TRNAU1AP: variants seen among roughly 807,000 people sequenced by gnomAD.
TRNAU1AP encodes tRNA selenocysteine 1 associated protein 1.
A neutral mutation model predicts 43.3 loss-of-function variants in TRNAU1AP; 33 were observed. The observed-to-expected ratio is 0.76, with a 90% CI of 0.58 to 1.02. TRNAU1AP has a LOEUF of 1.02. Among genes scored for constraint, TRNAU1AP ranks in the 50% least tolerant of loss-of-function variants. The pLI is 0.00. For missense variants in TRNAU1AP, 290 were observed against 362.7 expected, an observed-to-expected ratio of 0.80 and a Z score of 1.63; for synonymous variants, 143 against 129.1, an observed-to-expected ratio of 1.11 and a Z score of -0.73.
intron 2 of TRNAU1AP, among the ~76,000 whole-genome samples, chr1:28,555,994 C>T (rs977052520): frequency 6.6e-6 from 1 of 152,024 alleles, no homozygotes; most frequent in African/African-American, 2.4e-5. Flanking sequence ...GCTGGGACTA[C>T]AGGCGCCCGC....
At chr1:28,563,473 G>A (rs1239044175) in intron 4 of TRNAU1AP, among the ~76,000 whole-genome samples, 2 of 151,540 alleles carry the variant, frequency 1.3e-5, no homozygotes, top group East Asian at 2.0e-4. Context: ...ACCTGCGGTC[G>A]GGAGTTCGAG....
rs576684976 is a variant in TRNAU1AP, at chr1:28,558,275, G to A, written c.126-2358G>A. 4.0e-5 allele frequency among the ~76,000 whole-genome samples: 6 copies of A among 148,482 alleles called. No homozygotes were observed. In the South Asian group the frequency reaches 1.3e-3, roughly 32 times the overall value. On this transcript the variant is annotated intron_variant, in intron 2 of 8. Coordinates refer to ENST00000373830, the MANE Select transcript of TRNAU1AP (RefSeq NM_017846.5). ...TGTGTTGCCAGGCTGGAGTGCAGTG[G>A]CGTGATGTTGGCTCACTGCAACCTC... is the stretch of plus-strand genomic sequence containing the variant.
chr1:28,556,332 G>A (rs1045874985), intron 2 of TRNAU1AP, among the ~76,000 whole-genome samples: 2 of 151,498 alleles, frequency 1.3e-5, no homozygotes, highest in South Asian at 4.2e-4. Flanking sequence ...GGTGTGGTGA[G>A]ACACACCTGT....
chr1:28,577,517 G>A lies in TRNAU1AP; in HGVS notation c.745G>A (p.Asp249Asn), dbSNP rs149697973. ...DALEDPMPQLDVTEANKEFME... is the reference protein window; with the variant it reads ...DALEDPMPQLNVTEANKEFME... Reference sequence around the variant, plus strand: ...CTTTCCAGACCCCATGCCACAGCTGGATGTGACTGAGGCCAACAAGGAGTT... The same window carrying A: ...CTTTCCAGACCCCATGCCACAGCTGAATGTGACTGAGGCCAACAAGGAGTT... The change falls in exon 9 of 9, where the codon GAT becomes AAT. Residue 249 changes from aspartate (D) to asparagine (N), a missense_variant. This residue lies in a region of TRNAU1AP where 57 missense variants were observed against 55.1 expected (regional missense o/e 1.03). Transcript: ENST00000373830. The A allele has an allele frequency of 5.0e-4, 812 of 1,613,926 alleles. 2 individuals carry two copies. Among genetic ancestry groups the A allele is most frequent in the Non-Finnish European group, 1.6e-4 (194 of 1,179,966 alleles).
intron 2 of TRNAU1AP, among the ~76,000 whole-genome samples, chr1:28,555,788 A>G (rs1182461551): frequency 4.6e-5 from 7 of 151,954 alleles, no homozygotes; most frequent in Admixed American, 4.6e-4. Context: ...TTGCTCTTCT[A>G]AGCAGAAAAC....
chr1:28,569,881 G>C (rs1247268272), intron 6 of TRNAU1AP, among the ~76,000 whole-genome samples: 1 of 146,472 alleles, frequency 6.8e-6, no homozygotes, highest in Non-Finnish European at 1.5e-5. Context: ...GGCGCCTATA[G>C]TCCCAGCTAC....
intron 2 of TRNAU1AP, among the ~76,000 whole-genome samples, chr1:28,554,310 C>G (rs1427393843): frequency 6.6e-6 from 1 of 151,822 alleles, no homozygotes; most frequent in East Asian, 1.9e-4. Context: ...CTGTCTCATT[C>G]ACTTTGAGTA....
Position 28,571,848 on chromosome 1 carries a change from A to G in TRNAU1AP, c.694-19A>G. ...GGATTTCACCATGCCCCTAACCCAC[A>G]TCTCTGGTCTCTTGGCAGACATATG... On this transcript the variant is annotated intron_variant, in intron 7 of 8. Coordinates refer to ENST00000373830, the MANE Select transcript of TRNAU1AP (RefSeq NM_017846.5). 6.3e-7 allele frequency: 1 copy of G among 1,598,336 alleles called. No homozygotes were observed. Among genetic ancestry groups the G allele is most frequent in the Non-Finnish European group, 8.5e-7 (1 of 1,171,776 alleles).
chr1:28,553,664 T>G lies in TRNAU1AP; in HGVS notation c.52T>G (p.Phe18Val). The G allele has an allele frequency of 5.0e-6, 8 of 1,614,104 alleles. No homozygotes were observed. The highest frequency in any genetic ancestry group is 6.8e-6 in the Non-Finnish European group (8 of 1,180,018). Residue 18 changes from phenylalanine to valine, a missense_variant, in exon 2 of 9, where the codon TTC (phenylalanine) becomes GTC (valine). This residue lies in a region of TRNAU1AP where 59 missense variants were observed against 45.5 expected (regional missense o/e 1.30). Coordinates refer to ENST00000373830, the MANE Select transcript of TRNAU1AP (RefSeq NM_017846.5). Reference sequence around the variant, plus strand: ...GCTGGAACCCTACATGGATGAGAACTTCATCTCCAGAGCCTTTGCCACCAT... The same window carrying G: ...GCTGGAACCCTACATGGATGAGAACGTCATCTCCAGAGCCTTTGCCACCAT... ...GDLEPYMDEN[F>V]ISRAFATMGE...
At chr1:28,571,398 C>T in intron 7 of TRNAU1AP, 60 bp downstream of exon 7, 1 of 1,566,042 alleles carries the variant, frequency 6.4e-7, no homozygotes, top group Non-Finnish European at 8.8e-7. Context: ...AGAAACAGGT[C>T]ATTCTCTAGG....
At chr1:28,562,504 AG>A (rs766725640) in intron 4 of TRNAU1AP, among the ~76,000 whole-genome samples, 1 of 152,200 alleles carries the variant, frequency 6.6e-6, no homozygotes, top group Non-Finnish European at 1.5e-5. Flanking sequence ...AAAAGACAAA[AG>A]TATACATATC....
Position 28,571,912 on chromosome 1 carries a change from T to C in TRNAU1AP, c.727+12T>C. The C allele has an allele frequency of 6.2e-7, 1 of 1,611,106 alleles. No individual in the cohort carries two copies. The highest frequency in any genetic ancestry group is 8.5e-7 in the Non-Finnish European group (1 of 1,177,380). The stretch of plus-strand genomic sequence containing the variant: ...TGATGCATTGGAAGGTAAGGGTTCA[T>C]ACGTTCCTTACTCTGTCAGCCATTA... On this transcript the variant is annotated intron_variant, in intron 8 of 8. Coordinates refer to ENST00000373830, the MANE Select transcript of TRNAU1AP (RefSeq NM_017846.5).
intron 7 of TRNAU1AP, 34 bp downstream of exon 7, chr1:28,571,372 G>A (rs756308333): frequency 2.5e-6 from 4 of 1,611,052 alleles, no homozygotes; most frequent in African/African-American, 2.7e-5. Context: ...GTCCCCTTGG[G>A]TTGTGTTTCT....
At chr1:28,555,179 G>A (rs1041095137) in intron 2 of TRNAU1AP, among the ~76,000 whole-genome samples, 1 of 150,420 alleles carries the variant, frequency 6.6e-6, no homozygotes, top group African/African-American at 2.5e-5. Context: ...GTAGTGAGCC[G>A]AGATCGCGCC....
In TRNAU1AP at chr1:28,577,867, T is replaced by G. The variant is rs892405455; in HGVS notation, c.*231T>G. On this transcript the variant is annotated 3_prime_UTR_variant, in exon 9 of 9. Coordinates refer to ENST00000373830, the MANE Select transcript of TRNAU1AP (RefSeq NM_017846.5). ...ATTGGTTTCCTTCACAGGAATCCTT[T>G]GTCCAGGTAGTTATCCACATAGGAC... The G allele has an allele frequency of 1.0e-5, 5 of 493,768 alleles. No homozygotes were observed. The highest frequency in any genetic ancestry group is 1.8e-5 in the Non-Finnish European group (5 of 276,974). 30.6% of individuals were successfully genotyped at this position (493,768 alleles called of 1,614,324 possible).
Position 28,567,340 on chromosome 1 carries a change from G to T in TRNAU1AP, c.457G>T (p.Ala153Ser). 6.2e-7 allele frequency: 1 copy of T among 1,613,882 alleles called. No individual in the cohort carries two copies. The highest frequency in any genetic ancestry group is 8.5e-7 in the Non-Finnish European group (1 of 1,179,886). ...CACAGATGAACTGGAACAGAAGCGA[G>T]CCCTGACGGAGTGCCAGGGAGCAGT... ...KFTDELEQKR[A>S]LTECQGAVGL... Residue 153 changes from alanine (A) to serine (S), a missense_variant, in exon 6 of 9, where the codon GCC becomes TCC. Coordinates refer to ENST00000373830, the MANE Select transcript of TRNAU1AP (RefSeq NM_017846.5).
chr1:28,565,443 C>A (rs1665515727), intron 5 of TRNAU1AP: 1 of 151,800 alleles, frequency 6.6e-6, no homozygotes, highest in Non-Finnish European at 1.5e-5. Context: ...CAAGATTGTG[C>A]CACTGCACTC....
Position 28,571,317 on chromosome 1 carries a change from C to T in TRNAU1AP, c.672C>T (p.Gly224=). ...GSYSYSYPQY[G]YTQSTMQTYE... is the part of the protein sequence containing the mutation. Reference sequence around the variant, plus strand: ...ACAGCTACAGTTACCCCCAGTATGGCTATACCCAGAGCACCATGCAGGTAA... The same window carrying T: ...ACAGCTACAGTTACCCCCAGTATGGTTATACCCAGAGCACCATGCAGGTAA... Residue 224 remains glycine, a synonymous_variant, in exon 7 of 9, where the codon GGC becomes GGT. Coordinates refer to ENST00000373830, the MANE Select transcript of TRNAU1AP (RefSeq NM_017846.5). The T allele has an allele frequency of 6.2e-7, 1 of 1,613,984 alleles. No individual in the cohort carries two copies. Among genetic ancestry groups the T allele is most frequent in the Non-Finnish European group, 8.5e-7 (1 of 1,179,890 alleles).
chr1:28,556,716 C>A (rs1665273885), intron 2 of TRNAU1AP, among the ~76,000 whole-genome samples: 1 of 151,962 alleles, frequency 6.6e-6, no homozygotes, highest in African/African-American at 2.4e-5. Flanking sequence ...CGGAGTCTCG[C>A]TCTGTCACCC....
Sources: gnomAD v4.1 joint callset for allele counts (sites outside exome capture counted in the v4.1 genomes callset) on GRCh38, gnomAD v4.1.1 for gene constraint, gnomAD v4.1.1 regional missense constraint, MANE v1.5 for transcripts, NCBI Gene and HGNC (gene_info 2026-07-23, HGNC 2026-07-21) for gene names.